Variants in XYLT1 observed in about 807,000 individuals in gnomAD.
The protein encoded by XYLT1 is xylosyltransferase 1.
A neutral mutation model predicts 91.3 loss-of-function variants in XYLT1; 36 were observed. The ratio of observed to expected loss-of-function variants is 0.39; its 90% CI spans 0.30 to 0.52. The LOEUF (loss-of-function observed/expected upper bound fraction) is 0.52. XYLT1 is among the 20% of genes least tolerant of loss of function. The pLI, the probability that XYLT1 is intolerant of heterozygous loss-of-function variation, is 0.68. For missense variants in XYLT1, 1,242 were observed against 1,284.5 expected (o/e 0.97, Z 0.51); for synonymous variants, 588 against 532.0 (o/e 1.11, Z -1.45).
intron 5 of XYLT1, among the ~76,000 whole-genome samples, chr16:17,187,522 G>T (rs1003665439): frequency 2.5e-5 from 3 of 121,492 alleles, no homozygotes; most frequent in African/African-American, 9.9e-5. Flanking sequence ...AGCCAAGATC[G>T]CACCACTGTA....
At chr16:17,290,765 C>T (rs959880616) in intron 2 of XYLT1, among the ~76,000 whole-genome samples, 2 of 152,208 alleles carry the variant, frequency 1.3e-5, no homozygotes, top group Admixed American at 1.3e-4. Context: ...TCACAGCCAG[C>T]TCATCTGACT....
Position 17,173,085 on chromosome 16 carries a change from C to T in XYLT1, c.1290-14176G>A, listed in dbSNP as rs530531303. 3.3e-5 allele frequency among the ~76,000 whole-genome samples: 5 copies of T among 152,282 alleles called. No individual in the cohort carries two copies. The South Asian group carries it at 1.0e-3, about 32-fold the overall frequency. The stretch of plus-strand genomic sequence containing the variant: ...AAACCAAATTAGTAACAAATGTCAT[C>T]TGGGATCTGATCACATAAACTCTGC... On this transcript the variant is annotated intron_variant, in intron 5 of 11. Coordinates refer to ENST00000261381, the MANE Select transcript of XYLT1 (RefSeq NM_022166.4).
At chr16:17,210,403 C>T in intron 3 of XYLT1, among the ~76,000 whole-genome samples, 1 of 152,064 alleles carries the variant, frequency 6.6e-6, no homozygotes. Context: ...ATGGTGAAAC[C>T]CTGTCTCTAC....
At chr16:17,353,730 T>G (rs1323532258) in intron 2 of XYLT1, among the ~76,000 whole-genome samples, 7 of 152,202 alleles carry the variant, frequency 4.6e-5, no homozygotes, top group Admixed American at 4.6e-4. Context: ...CGTCTGTCTA[T>G]CTATGGACGT....
At position 17,312,996 on chromosome 16, in the gene XYLT1, G is replaced by C. The variant is rs1193925784; in HGVS notation, c.402+45016C>G. ...AGCTCCCCCTGGCCGGGGCTGAGCA[G>C]GGAAGCTGGGAGAGAGGGCATGTCC... On this transcript the variant is annotated intron_variant, in intron 2 of 11. Coordinates refer to ENST00000261381, the MANE Select transcript of XYLT1 (RefSeq NM_022166.4). The surrounding 1 kb of genome is among the most constrained non-coding windows in gnomAD (Gnocchi z 4.4). Among the ~76,000 whole-genome samples the C allele has an allele frequency of 6.6e-6, 1 of 152,228 alleles. No homozygotes were observed.
At chr16:17,121,962 G>GTATA (rs762933494) in intron 10 of XYLT1, among the ~76,000 whole-genome samples, 32 of 150,394 alleles carry the variant, frequency 2.1e-4, no homozygotes, top group East Asian at 5.9e-4. Context: ...ATTCCATGGG[G>GTATA]TATATATATA....
intron 3 of XYLT1, among the ~76,000 whole-genome samples, chr16:17,233,308 G>C (rs752411333): frequency 6.6e-6 from 1 of 152,224 alleles, no homozygotes; most frequent in Non-Finnish European, 1.5e-5. Flanking sequence ...TGCAGGCCAG[G>C]CACTGCCCAT....
intron 1 of XYLT1, among the ~76,000 whole-genome samples, chr16:17,380,271 G>A (rs1324895873): frequency 6.6e-6 from 1 of 152,142 alleles, no homozygotes; most frequent in Non-Finnish European, 1.5e-5. Flanking sequence ...CTGGGCGACA[G>A]ACCCAGAATC....
In XYLT1 at chr16:17,359,754, T is replaced by C. The variant is rs561682985; in HGVS notation, c.364-1704A>G. Among the ~76,000 whole-genome samples the C allele has an allele frequency of 1.3e-4, 20 of 152,316 alleles. 1 individual carries two copies. In the South Asian group the frequency reaches 4.2e-3, roughly 32 times the overall value. On this transcript the variant is annotated intron_variant, in intron 1 of 11. Transcript: ENST00000261381. ...TCATGAAGGAGCTGTTTTGGGCCTG[T>C]CTCTTCAAATCCTTACTGATTCCTT... is the stretch of plus-strand genomic sequence containing the variant.
intron 8 of XYLT1, among the ~76,000 whole-genome samples, chr16:17,135,510 ACT>A (rs1491237043): frequency 6.7e-6 from 1 of 148,998 alleles, no homozygotes; most frequent in Non-Finnish European, 1.5e-5. Context: ...ACAGAACAAG[ACT>A]CTGTCTCAGA....
chr16:17,426,842 A>C (rs2036324937), intron 1 of XYLT1, among the ~76,000 whole-genome samples: 1 of 152,242 alleles, frequency 6.6e-6, no homozygotes, highest in African/African-American at 2.4e-5. Flanking sequence ...AACTTTAAGT[A>C]GGGTGAAAAG....
chr16:17,330,807 A>G (rs532339638), intron 2 of XYLT1, among the ~76,000 whole-genome samples: 25 of 151,844 alleles, frequency 1.6e-4, no homozygotes, highest in Admixed American at 6.5e-4. Flanking sequence ...AAAAAAAAAA[A>G]GAAAAGAAAA....
At chr16:17,376,081 G>A (rs748700083) in intron 1 of XYLT1, among the ~76,000 whole-genome samples, 2 of 152,232 alleles carry the variant, frequency 1.3e-5, no homozygotes, top group Non-Finnish European at 2.9e-5. Context: ...CACAGCCAGC[G>A]TTGCCCTAGG....
At chr16:17,109,041 C>G in intron 11 of XYLT1, 24 bp from the exon 12 acceptor site, 2 of 1,494,806 alleles carry the variant, frequency 1.3e-6, no homozygotes, top group Non-Finnish European at 1.8e-6. Flanking sequence ...GGAACAATTT[C>G]AGGATCAGAA....
At chr16:17,137,171 T>C (rs1020810964) in intron 8 of XYLT1, among the ~76,000 whole-genome samples, 2 of 152,054 alleles carry the variant, frequency 1.3e-5, no homozygotes, top group Non-Finnish European at 2.9e-5. Flanking sequence ...TCTGCATTCA[T>C]ACAGGCACAA....
intron 3 of XYLT1, among the ~76,000 whole-genome samples, chr16:17,204,590 G>T (rs114208645): frequency 2.9e-3 from 438 of 152,252 alleles, no homozygotes; most frequent in Non-Finnish European, 4.8e-3. Context: ...TCAGGAGAAA[G>T]ATCAACCATT....
At chr16:17,340,271 A>G (rs1208301234) in intron 2 of XYLT1, among the ~76,000 whole-genome samples, 1 of 152,236 alleles carries the variant, frequency 6.6e-6, no homozygotes, top group Non-Finnish European at 1.5e-5. Context: ...TAAGAAGGAA[A>G]AGTGACTCAC....
intron 2 of XYLT1, among the ~76,000 whole-genome samples, chr16:17,297,274 A>G (rs773038935): frequency 3.9e-5 from 6 of 152,128 alleles, no homozygotes; most frequent in Admixed American, 6.5e-5. Flanking sequence ...GGGTCCTTAT[A>G]ATATATATCA....
intron 2 of XYLT1, among the ~76,000 whole-genome samples, chr16:17,300,613 T>C (rs1261715470): frequency 6.7e-6 from 1 of 148,574 alleles, no homozygotes; most frequent in Non-Finnish European, 1.5e-5. Context: ...CCTGCCACCA[T>C]ACCTGGCTAA....
Sources: gnomAD v4.1 joint callset for allele counts (sites outside exome capture counted in the v4.1 genomes callset) on GRCh38, gnomAD v4.1.1 for gene constraint, Gnocchi (gnomAD v3.1) non-coding constraint, MANE v1.5 for transcripts, NCBI Gene and HGNC (gene_info 2026-07-23, HGNC 2026-07-21) for gene names.